The following TBC1D5 variants were observed in gnomAD, a reference collection of about 807,000 sequenced individuals.
TBC1D5 encodes TBC1 domain family, member 5.
TBC1D5 carries 75 observed loss-of-function variants against 100.3 expected under a neutral mutation model. The observed-to-expected ratio is 0.75, with a 90% CI of 0.62 to 0.91. The LOEUF is 0.91. Among genes scored for constraint, TBC1D5 ranks in the 40% least tolerant of loss-of-function variants. The pLI is 0.00. For missense variants in TBC1D5, 910 were observed against 942.4 expected, an observed-to-expected ratio of 0.97 and a Z score of 0.45; for synonymous variants, 323 against 325.6, an observed-to-expected ratio of 0.99 and a Z score of 0.09.
chr3:17,323,345 G>A (rs539820132), intron 13 of TBC1D5, among the ~76,000 whole-genome samples: 1 of 152,274 alleles, frequency 6.6e-6, no homozygotes, highest in South Asian at 2.1e-4. Context: ...ATGAATATAA[G>A]CACAAATATT....
At chr3:17,452,479 A>G (rs1168327360) in intron 3 of TBC1D5, among the ~76,000 whole-genome samples, 2 of 152,202 alleles carry the variant, frequency 1.3e-5, no homozygotes, top group Non-Finnish European at 2.9e-5. Context: ...AAATAAATGG[A>G]TGGAAAAAGA....
chr3:17,491,684 G>A (rs2095641966), intron 3 of TBC1D5, among the ~76,000 whole-genome samples: 1 of 152,126 alleles, frequency 6.6e-6, no homozygotes, highest in Admixed American at 6.5e-5. Flanking sequence ...TAAACTTTTT[G>A]AAGTGCCGGT....
At chr3:17,489,451 T>C (rs577755144) in intron 3 of TBC1D5, among the ~76,000 whole-genome samples, 2 of 152,306 alleles carry the variant, frequency 1.3e-5, no homozygotes, top group East Asian at 3.9e-4. Flanking sequence ...GAAATCTGTA[T>C]ATTCTTCAAT....
intron 3 of TBC1D5, among the ~76,000 whole-genome samples, chr3:17,446,220 A>T (rs1024626355): frequency 6.6e-6 from 1 of 152,184 alleles, no homozygotes; most frequent in African/African-American, 2.4e-5. Context: ...ATTTACCCCA[A>T]ATATAACTCC....
rs192782060 is a variant in TBC1D5, at chr3:17,604,511, A to G, written c.-36+19338T>C. Among the ~76,000 whole-genome samples the G allele has an allele frequency of 4.9e-4, 75 of 152,314 alleles. 1 individual carries two copies. In the East Asian group the frequency reaches 9.8e-3, roughly 20 times the overall value. ...AATTCTCAAATATGAGACCTTTTTGAAAGCCTAACTTCCAAAATTATTGCG... is the reference window on the plus strand; with the variant it reads ...AATTCTCAAATATGAGACCTTTTTGGAAGCCTAACTTCCAAAATTATTGCG... On this transcript the variant is annotated intron_variant, in intron 2 of 21. Transcript: ENST00000253692.
chr3:17,299,554 A>C (rs774731960), intron 14 of TBC1D5, among the ~76,000 whole-genome samples: 47 of 152,098 alleles, frequency 3.1e-4, no homozygotes, highest in Non-Finnish European at 5.7e-4. Flanking sequence ...CAGGTTTATC[A>C]AGTGTAAAAA....
chr3:17,258,522 G>A, exon 16 of TBC1D5: 1 of 1,612,330 alleles, frequency 6.2e-7, no homozygotes. Flanking sequence ...TTATTCATGA[G>A]GTCTGCTCCT....
At chr3:17,223,694 C>T (rs2074529549) in intron 17 of TBC1D5, among the ~76,000 whole-genome samples, 1 of 152,112 alleles carries the variant, frequency 6.6e-6, no homozygotes, top group Non-Finnish European at 1.5e-5. Context: ...AACCCCATCT[C>T]TACAAAAAAT....
Position 17,662,683 on chromosome 3 carries a change from A to G in TBC1D5, c.-100-38770T>C, listed in dbSNP as rs2066780757. 2.6e-5 allele frequency among the ~76,000 whole-genome samples: 4 copies of G among 152,156 alleles called. No homozygotes were observed. In the South Asian group the frequency reaches 8.3e-4, roughly 32 times the overall value. ...TAGCTAAAGTGCTAAGTTATTTGCA[A>G]CTGTTATCTGGTCAGTCCCAGAAGG... On this transcript the variant is annotated intron_variant, in intron 1 of 21. Coordinates refer to ENST00000253692, the Ensembl canonical transcript of TBC1D5.
intron 1 of TBC1D5, among the ~76,000 whole-genome samples, chr3:17,696,406 G>A (rs1288796818): frequency 1.3e-5 from 2 of 152,110 alleles, no homozygotes; most frequent in Non-Finnish European, 2.9e-5. Flanking sequence ...AATAAAAAAT[G>A]ATAAAGGGGA....
intron 1 of TBC1D5, among the ~76,000 whole-genome samples, chr3:17,666,346 C>T (rs560702459): frequency 1.3e-5 from 2 of 152,274 alleles, no homozygotes; most frequent in African/African-American, 4.8e-5. Context: ...CTGTTTCCTA[C>T]TGACAAAGAA....
chr3:17,490,122 C>A (rs777828618), intron 3 of TBC1D5, among the ~76,000 whole-genome samples: 5 of 152,042 alleles, frequency 3.3e-5, no homozygotes, highest in Non-Finnish European at 7.4e-5. Context: ...TTTAGTATAT[C>A]TTTTTGGCCA....
At chr3:17,171,639 A>G (rs938263296) in intron 19 of TBC1D5, among the ~76,000 whole-genome samples, 1 of 152,046 alleles carries the variant, frequency 6.6e-6, no homozygotes, top group Non-Finnish European at 1.5e-5. Flanking sequence ...CCCTCTTCTT[A>G]TAAGGACACC....
chr3:17,689,801 A>G (rs2070853985), intron 1 of TBC1D5, among the ~76,000 whole-genome samples: 1 of 152,088 alleles, frequency 6.6e-6, no homozygotes. Context: ...GAGAAATATA[A>G]CTTGCATCTG....
At chr3:17,534,434 T>G (rs984691625) in intron 2 of TBC1D5, among the ~76,000 whole-genome samples, 1 of 152,192 alleles carries the variant, frequency 6.6e-6, no homozygotes, top group Non-Finnish European at 1.5e-5. Context: ...AAAGAAAATC[T>G]GAATCAGATT....
intron 2 of TBC1D5, among the ~76,000 whole-genome samples, chr3:17,607,417 A>G (rs1417771954): frequency 6.6e-6 from 1 of 152,174 alleles, no homozygotes; most frequent in Non-Finnish European, 1.5e-5. Flanking sequence ...AATCCAAATT[A>G]TCAATCTTTC....
intron 2 of TBC1D5, chr3:17,576,488 C>T (rs956626886): frequency 6.6e-6 from 1 of 151,960 alleles, no homozygotes; most frequent in African/African-American, 2.4e-5. Context: ...CCTTATGTTG[C>T]ATTTATTCAA....
intron 14 of TBC1D5, among the ~76,000 whole-genome samples, chr3:17,305,218 G>C (rs560222020): frequency 7.9e-5 from 12 of 152,156 alleles, no homozygotes; most frequent in African/African-American, 2.9e-4. Flanking sequence ...GCTTGGCTCA[G>C]ACAGTTCTCT....
At chr3:17,285,473 G>C (rs947239311) in intron 15 of TBC1D5, among the ~76,000 whole-genome samples, 11 of 151,580 alleles carry the variant, frequency 7.3e-5, no homozygotes, top group African/African-American at 2.7e-4. Flanking sequence ...TGTTAGCCAG[G>C]ATGGTCTCGA....
Sources: allele counts gnomAD v4.1 joint callset (sites outside exome capture counted in the v4.1 genomes callset), GRCh38; gene constraint gnomAD v4.1.1; transcripts MANE v1.5; gene names NCBI Gene and HGNC (gene_info 2026-07-23, HGNC 2026-07-21).